Variants in KLF13 observed in about 807,000 individuals in gnomAD.
The protein encoded by KLF13 is KLF transcription factor 13, also known as Krueppel-like factor 13.
Under a neutral mutation model 16.7 loss-of-function variants are expected in KLF13, and 8 were observed. The ratio of observed to expected loss-of-function variants is 0.48; its 90% CI spans 0.28 to 0.87. The LOEUF is 0.87. KLF13 is among the 40% of genes least tolerant of loss of function. The pLI is 0.10. For missense variants in KLF13, 447 were observed against 452.2 expected (o/e 0.99, Z 0.10); for synonymous variants, 245 against 208.4 (o/e 1.18, Z -1.51).
chr15:31,405,570 A>G (rs1221283911), downstream of KLF13, among the ~76,000 whole-genome samples: 1 of 152,248 alleles, frequency 6.6e-6, no homozygotes, highest in East Asian at 1.9e-4. Context: ...TTGCTAGGAA[A>G]TAGAAGTGAA....
chr15:31,388,811 C>G (rs1395681981), upstream of KLF13, among the ~76,000 whole-genome samples: 1 of 148,180 alleles, frequency 6.7e-6, no homozygotes, highest in Non-Finnish European at 1.5e-5. Flanking sequence ...GTCTCTTTAC[C>G]CATTCCCCCC....
At chr15:31,434,769 G>A (rs1161189945) in intron 1 of KLF13, among the ~76,000 whole-genome samples, 3 of 152,164 alleles carry the variant, frequency 2.0e-5, no homozygotes, top group Admixed American at 6.5e-5. Context: ...AGCAGCCCAC[G>A]CCTCCCTGCC....
intron 1 of KLF13, among the ~76,000 whole-genome samples, chr15:31,383,758 T>C (rs551998744): frequency 1.7e-4 from 26 of 152,016 alleles, no homozygotes; most frequent in East Asian, 1.6e-3. Context: ...AAAAATTAGC[T>C]GGGCGTGGTG....
chr15:31,356,539 G>A, intron 1 of KLF13, among the ~76,000 whole-genome samples: 1 of 152,222 alleles, frequency 6.6e-6, no homozygotes, highest in Non-Finnish European at 1.5e-5. Flanking sequence ...GCGACAGAGC[G>A]AGACTCCGTC....
chr15:31,420,090 C>A, intron 1 of KLF13: 1 of 375,724 alleles, frequency 2.7e-6, no homozygotes, highest in South Asian at 2.3e-5. Flanking sequence ...TTATAACCAA[C>A]AAAACTGTTC....
downstream of KLF13, among the ~76,000 whole-genome samples, chr15:31,381,195 C>T (rs555779914): frequency 1.5e-3 from 196 of 127,370 alleles, no homozygotes; most frequent in African/African-American, 5.1e-3. Context: ...AAATAGAATG[C>T]CTATTCCTGC....
chr15:31,432,219 C>T (rs2040481336), intron 1 of KLF13, among the ~76,000 whole-genome samples: 1 of 151,912 alleles, frequency 6.6e-6, no homozygotes, highest in Non-Finnish European at 1.5e-5. Context: ...AATTTTTTTT[C>T]CTGGAGCTCT....
At chr15:31,364,707 T>C (rs2039439382) in intron 1 of KLF13, among the ~76,000 whole-genome samples, 2 of 152,356 alleles carry the variant, frequency 1.3e-5, no homozygotes, top group South Asian at 4.1e-4. Flanking sequence ...CGGCTCTAGC[T>C]CTGGCGCCAG....
chr15:31,344,372 G>C (rs2039078983), intron 1 of KLF13, among the ~76,000 whole-genome samples: 1 of 152,236 alleles, frequency 6.6e-6, no homozygotes, highest in Admixed American at 6.5e-5. Flanking sequence ...ACACGCCATG[G>C]CTGGACGTTT....
At chr15:31,381,327 G>A (rs1344989831), downstream of KLF13, among the ~76,000 whole-genome samples, 5 of 152,146 alleles carry the variant, frequency 3.3e-5, no homozygotes, top group Non-Finnish European at 7.3e-5. Flanking sequence ...GGTGTCATCA[G>A]GGCTGCTTCC....
At chr15:31,381,936 G>T (rs1163953371), downstream of KLF13, among the ~76,000 whole-genome samples, 1 of 152,204 alleles carries the variant, frequency 6.6e-6, no homozygotes, top group Non-Finnish European at 1.5e-5. Flanking sequence ...GCCAGACGCA[G>T]CTGGGCCTTC....
intron 1 of KLF13, among the ~76,000 whole-genome samples, chr15:31,413,116 A>G (rs1417796789): frequency 2.0e-5 from 3 of 151,616 alleles, no homozygotes; most frequent in Non-Finnish European, 4.4e-5. Flanking sequence ...GGCCAGAGAC[A>G]GAAAGAGAGT....
intron 1 of KLF13, among the ~76,000 whole-genome samples, chr15:31,339,502 C>T (rs904796823): frequency 1.3e-5 from 2 of 152,198 alleles, no homozygotes; most frequent in East Asian, 1.9e-4. Context: ...GGCATGCTTA[C>T]GTAGACACCA....
At chr15:31,413,195 A>ACAC (rs200340491) in intron 1 of KLF13, among the ~76,000 whole-genome samples, 2 of 137,384 alleles carry the variant, frequency 1.5e-5, no homozygotes, top group African/African-American at 5.1e-5. Flanking sequence ...GACAAAAAAA[A>ACAC]AAAAAAACAA....
chr15:31,347,083 G>A (rs1351874278), intron 1 of KLF13, among the ~76,000 whole-genome samples: 1 of 152,200 alleles, frequency 6.6e-6, no homozygotes, highest in Non-Finnish European at 1.5e-5. Context: ...GCAGGTAGGA[G>A]GATTTGAGGA....
intron 1 of KLF13, among the ~76,000 whole-genome samples, chr15:31,335,761 A>G (rs142397432): frequency 1.7e-3 from 258 of 152,258 alleles, no homozygotes; most frequent in Admixed American, 4.2e-3. Context: ...AAATGTCCTT[A>G]TGCTGGTGCC....
intron 1 of KLF13, among the ~76,000 whole-genome samples, chr15:31,342,164 AG>A (rs765840097): frequency 1.3e-5 from 2 of 152,184 alleles, no homozygotes; most frequent in Non-Finnish European, 2.9e-5. Context: ...CACCTCTCTG[AG>A]GTGGGCTTGA....
At chr15:31,422,408 T>A (rs2040339587) in intron 1 of KLF13, among the ~76,000 whole-genome samples, 1 of 151,338 alleles carries the variant, frequency 6.6e-6, no homozygotes, top group African/African-American at 2.4e-5. Flanking sequence ...CAGGACAGAG[T>A]GAATGCAAGC....
intron 1 of KLF13, among the ~76,000 whole-genome samples, chr15:31,336,171 C>G (rs2038927312): frequency 6.6e-6 from 1 of 152,246 alleles, no homozygotes. Flanking sequence ...GGGGCCTCCT[C>G]ATTCCCTTTT....
Sources: gnomAD v4.1 joint callset for allele counts (sites outside exome capture counted in the v4.1 genomes callset) on GRCh38, gnomAD v4.1.1 for gene constraint, MANE v1.5 for transcripts, NCBI Gene and HGNC (gene_info 2026-07-23, HGNC 2026-07-21) for gene names.